Variants in MTUS1 observed in about 807,000 individuals in gnomAD.
MTUS1 encodes the protein microtubule associated scaffold protein 1.
MTUS1 carries 109 observed loss-of-function variants against 120.8 expected under a neutral mutation model. That is an observed-to-expected ratio of 0.90 (90% CI 0.77 to 1.06). The LOEUF (loss-of-function observed/expected upper bound fraction) is 1.06, where lower values mean the gene tolerates loss of function less well. Ranked by LOEUF, MTUS1 falls within the 50% of genes least tolerant of loss-of-function variation. The pLI is 0.00. For synonymous variants in MTUS1, 737 were observed against 550.5 expected (o/e 1.34, Z -4.74); for missense variants, 2,210 against 1,486.3 (o/e 1.49, Z -8.01).
chr8:17,765,043 G>C (rs746588694), intron 1 of MTUS1, among the ~76,000 whole-genome samples: 3 of 152,200 alleles, frequency 2.0e-5, no homozygotes. Context: ...GTCCCATCTG[G>C]AAGTGATGGG....
intron 6 of MTUS1, among the ~76,000 whole-genome samples, chr8:17,700,454 G>A (rs1224871246): frequency 4.5e-5 from 2 of 44,208 alleles, no homozygotes; most frequent in African/African-American, 1.8e-4. Flanking sequence ...TGGGCAATAA[G>A]AGCAAAACTC....
chr8:17,676,471 C>T (rs769448369), intron 7 of MTUS1: 1 of 635,420 alleles, frequency 1.6e-6, no homozygotes, highest in African/African-American at 1.8e-5. Flanking sequence ...CGTCTTACTT[C>T]ATGTCCTGCA....
intron 9 of MTUS1, among the ~76,000 whole-genome samples, chr8:17,655,457 A>T (rs1194110679): frequency 1.3e-5 from 2 of 152,128 alleles, no homozygotes; most frequent in East Asian, 3.9e-4. Context: ...TTTGGTCATA[A>T]GAAAACTATT....
chr8:17,750,513 T>C (rs879661262), intron 2 of MTUS1, among the ~76,000 whole-genome samples: 1 of 152,168 alleles, frequency 6.6e-6, no homozygotes, highest in Non-Finnish European at 1.5e-5. Context: ...TGAAACCGTA[T>C]GGTGTATGGA....
chr8:17,723,616 T>A lies in MTUS1; in HGVS notation c.2449+56A>T, dbSNP rs913186607. 2 of 1,551,976 alleles carry A rather than the reference T, an allele frequency of 1.3e-6. 1 individual carries two copies. Among genetic ancestry groups the A allele is most frequent in the Non-Finnish European group, 1.8e-6 (2 of 1,123,550 alleles). On this transcript the variant is annotated intron_variant, in intron 4 of 14. Transcript: ENST00000693296. ...TTCTAATTATTTGCAGAGCATTAGT[T>A]TTTCTTGTAATGACTGTTTCCACAA...
At chr8:17,705,643 A>C (rs567492808) in intron 6 of MTUS1, 1 of 152,208 alleles carries the variant, frequency 6.6e-6, no homozygotes, top group Admixed American at 6.5e-5. Context: ...CTCTACTCTC[A>C]CCAGAAGAAA....
intron 6 of MTUS1, among the ~76,000 whole-genome samples, chr8:17,701,442 T>G (rs1486828326): frequency 1.2e-4 from 19 of 152,212 alleles, no homozygotes; most frequent in Non-Finnish European, 2.8e-4. Flanking sequence ...ACAGTGACAT[T>G]GCCTTTTATT....
At chr8:17,690,255 A>C (rs577711317) in intron 6 of MTUS1, among the ~76,000 whole-genome samples, 50 of 152,344 alleles carry the variant, frequency 3.3e-4, no homozygotes, top group Non-Finnish European at 6.5e-4. Flanking sequence ...AGCAGCCAAC[A>C]TATGGAAAAA....
intron 8 of MTUS1, among the ~76,000 whole-genome samples, chr8:17,670,199 G>T (rs949289545): frequency 8.5e-5 from 13 of 152,220 alleles, no homozygotes; most frequent in Admixed American, 4.6e-4. Flanking sequence ...GCTCAGGAAG[G>T]AAGGGGCTGG....
rs763654825 is a variant in MTUS1, at chr8:17,684,285, C to T, written c.2838+43G>A. On this transcript the variant is annotated intron_variant, in intron 7 of 14. Coordinates refer to ENST00000693296, the MANE Select transcript of MTUS1 (RefSeq NM_001363059.2). ...TGAGCAAGTCCTCCCCGTGCTCCCCCGACCTCAAGTAGAAAGGCTCTTTCT... is the reference window on the plus strand; with the variant it reads ...TGAGCAAGTCCTCCCCGTGCTCCCCTGACCTCAAGTAGAAAGGCTCTTTCT... The T allele has an allele frequency of 1.1e-5, 17 of 1,501,124 alleles. No individual in the cohort carries two copies. The African/African-American group carries it at 1.8e-4, about 16-fold the overall frequency. 93.0% of individuals were successfully genotyped at this position (1,501,124 alleles called of 1,614,324 possible). A position where few individuals can be genotyped will look rare whatever the true frequency, so the allele number is the denominator to read the frequency against.
intron 3 of MTUS1, among the ~76,000 whole-genome samples, chr8:17,734,684 G>T (rs1406611309): frequency 6.6e-6 from 1 of 152,088 alleles, no homozygotes; most frequent in African/African-American, 2.4e-5. Flanking sequence ...AAGACTTAAA[G>T]GTGTTGCTTC....
Position 17,754,508 on chromosome 8 carries a change from C to G in MTUS1, c.1300G>C (p.Glu434Gln), listed in dbSNP as rs745325304. 5 of 1,614,192 alleles carry G rather than the reference C, an allele frequency of 3.1e-6. No homozygotes were observed. The South Asian group carries it at 4.4e-5, about 14-fold the overall frequency. Residue 434 changes from glutamate to glutamine, a missense_variant, in exon 2 of 15, where the codon GAA becomes CAA. By Grantham distance (29) the Glu-to-Gln change is conservative. Coordinates refer to ENST00000693296, the MANE Select transcript of MTUS1 (RefSeq NM_001363059.2). ...ACAGAAAAGGTTACTTTTGTGGGTT[C>G]TAGGACTGGTGTTGACATGCACATC... ...KTMCMSTPVL[E>Q]PTKVTFSVSP...
Position 17,769,911 on chromosome 8 carries a change from CACACACACACACACACG to C in MTUS1, c.-154-13967_-154-13951del, listed in dbSNP as rs879673247. Among the ~76,000 whole-genome samples, 187 of 120,886 alleles carry C rather than the reference CACACACACACACACACG, an allele frequency of 1.5e-3. 1 individual carries two copies. The highest frequency in any genetic ancestry group is 8.5e-3 in the East Asian group (28 of 3,290). 79.3% of individuals were successfully genotyped at this position (120,886 alleles called of 152,430 possible). ...ACACACACACACACACACACACACACACACACACACACACACGGGGGGGGTTGGGGGGGAAGCACTAC... is the reference window on the plus strand; with the variant it reads ...ACACACACACACACACACACACACACGGGGGGGTTGGGGGGGAAGCACTAC... On this transcript the variant is annotated intron_variant, in intron 1 of 14. Coordinates refer to ENST00000693296, the MANE Select transcript of MTUS1 (RefSeq NM_001363059.2).
rs199780162 is a variant in MTUS1 at position 17,759,266 on chromosome 8, TA to T, written c.-154-3306del. ...TTTGTTTTTACCAGTTGTCTTTTTT[TA>T]TTTTTCTTTTTTTTGAGACAAGGTC... is the stretch of plus-strand genomic sequence containing the variant. On this transcript the variant is annotated intron_variant, in intron 1 of 14. Coordinates refer to ENST00000693296, the MANE Select transcript of MTUS1 (RefSeq NM_001363059.2). 2.0e-3 allele frequency among the ~76,000 whole-genome samples: 298 copies of T among 150,012 alleles called. 1 individual carries two copies. Among genetic ancestry groups the T allele is most frequent in the Middle Eastern group, 3.4e-3 (1 of 294 alleles).
chr8:17,681,635 T>C (rs1814529058), intron 7 of MTUS1: 1 of 154,824 alleles, frequency 6.5e-6, no homozygotes, highest in Admixed American at 6.5e-5. Flanking sequence ...AAACCGCAAT[T>C]ACTTTTGCTC....
chr8:17,736,507 C>G (rs1326695061), intron 3 of MTUS1, among the ~76,000 whole-genome samples: 3 of 152,184 alleles, frequency 2.0e-5, no homozygotes, highest in African/African-American at 7.2e-5. Context: ...CCAAATGTCG[C>G]CCTCTCAGTG....
intron 3 of MTUS1, among the ~76,000 whole-genome samples, chr8:17,737,927 A>G (rs970963950): frequency 2.6e-5 from 4 of 152,214 alleles, no homozygotes; most frequent in African/African-American, 4.8e-5. Context: ...AAAAGGATAT[A>G]AAAGTAATTT....
At chr8:17,709,499 A>G (rs1226089951) in intron 6 of MTUS1, among the ~76,000 whole-genome samples, 1 of 152,056 alleles carries the variant, frequency 6.6e-6, no homozygotes, top group African/African-American at 2.4e-5. Flanking sequence ...TTCGCTCAGG[A>G]CTGCATCCTT....
intron 5 of MTUS1, among the ~76,000 whole-genome samples, chr8:17,714,550 G>T (rs1484072859): frequency 1.3e-5 from 2 of 152,086 alleles, no homozygotes; most frequent in African/African-American, 2.4e-5. Flanking sequence ...GTCAGAAGTT[G>T]CCCACTATAA....
Sources: allele counts gnomAD v4.1 joint callset (sites outside exome capture counted in the v4.1 genomes callset), GRCh38; gene constraint gnomAD v4.1.1; transcripts MANE v1.5; gene names NCBI Gene and HGNC (gene_info 2026-07-23, HGNC 2026-07-21).